AKAP13: variants seen among roughly 807,000 people sequenced by gnomAD.
AKAP13 encodes the protein A-kinase anchor protein 13.
A neutral mutation model predicts 264.5 loss-of-function variants in AKAP13; 80 were observed. The observed-to-expected ratio is 0.30, with a 90% CI of 0.25 to 0.36. AKAP13 has a LOEUF of 0.36. AKAP13 is among the 10% of genes least tolerant of loss of function. The pLI, the probability that AKAP13 is intolerant of heterozygous loss-of-function variation, is 1.00. For missense variants in AKAP13, 3,712 were observed against 3,435.2 expected, an observed-to-expected ratio of 1.08 and a Z score of -2.01; for synonymous variants, 1,380 against 1,250.2, an observed-to-expected ratio of 1.10 and a Z score of -2.19.
intron 17 of AKAP13, among the ~76,000 whole-genome samples, chr15:85,697,826 A>AAT (rs1259987884): frequency 9.2e-5 from 14 of 152,204 alleles, no homozygotes; most frequent in African/African-American, 3.4e-4. Context: ...AGAAAGTCTT[A>AAT]ATGACTTCAC....
At chr15:85,419,600 A>G (rs2072416246) in intron 1 of AKAP13, among the ~76,000 whole-genome samples, 1 of 152,128 alleles carries the variant, frequency 6.6e-6, no homozygotes, top group Non-Finnish European at 1.5e-5. Flanking sequence ...AGAATAAAAA[A>G]TTTTCCAAGT....
chr15:85,633,535 CTTTTTTT>C (rs56687591), intron 8 of AKAP13, among the ~76,000 whole-genome samples: 35 of 97,764 alleles, frequency 3.6e-4, no homozygotes, highest in Admixed American at 9.3e-4. Context: ...CTTTTTTTTT[CTTTTTTT>C]TTTTTTTTTT....
intron 8 of AKAP13, among the ~76,000 whole-genome samples, chr15:85,625,594 C>T (rs935506069): frequency 1.3e-5 from 2 of 152,180 alleles, no homozygotes; most frequent in Non-Finnish European, 2.9e-5. Context: ...CAGTGGCTCA[C>T]ATCACGCCTG....
chr15:85,631,965 C>T (rs2081852372), intron 8 of AKAP13, among the ~76,000 whole-genome samples: 1 of 151,934 alleles, frequency 6.6e-6, no homozygotes, highest in South Asian at 2.1e-4. Flanking sequence ...CAGACATATC[C>T]ACCCAATTGA....
At chr15:85,630,161 A>T (rs2151442206) in intron 8 of AKAP13, among the ~76,000 whole-genome samples, 1 of 89,468 alleles carries the variant, frequency 1.1e-5, no homozygotes, top group Admixed American at 1.4e-4. Flanking sequence ...CTGTTTTTTA[A>T]CACATACACA....
At chr15:85,506,331 A>G (rs546100336) in intron 2 of AKAP13, among the ~76,000 whole-genome samples, 20 of 152,310 alleles carry the variant, frequency 1.3e-4, no homozygotes, top group African/African-American at 4.1e-4. Flanking sequence ...GAGACCAGAA[A>G]GGAATTCGTG....
chr15:85,697,556 G>A (rs796926628), intron 17 of AKAP13, among the ~76,000 whole-genome samples: 3 of 152,228 alleles, frequency 2.0e-5, no homozygotes, highest in African/African-American at 4.8e-5. Context: ...GTGACATAGC[G>A]AGACTCCATC....
intron 30 of AKAP13, among the ~76,000 whole-genome samples, chr15:85,731,232 C>G (rs1473635845): frequency 6.6e-6 from 1 of 152,092 alleles, no homozygotes; most frequent in East Asian, 1.9e-4. Flanking sequence ...TCTCAAACTC[C>G]TGACCTCAAG....
intron 8 of AKAP13, among the ~76,000 whole-genome samples, chr15:85,588,875 A>T (rs2079468238): frequency 6.6e-6 from 1 of 152,186 alleles, no homozygotes; most frequent in Non-Finnish European, 1.5e-5. Context: ...TCTGATTGGT[A>T]AAGTTGCTAT....
intron 14 of AKAP13, among the ~76,000 whole-genome samples, chr15:85,672,063 C>T (rs1419212068): frequency 1.3e-5 from 2 of 152,200 alleles, no homozygotes; most frequent in Non-Finnish European, 2.9e-5. Context: ...GAGGTTCTGA[C>T]ACATAGAGCT....
At chr15:85,588,229 T>C (rs1182266188) in intron 8 of AKAP13, among the ~76,000 whole-genome samples, 1 of 152,208 alleles carries the variant, frequency 6.6e-6, no homozygotes, top group African/African-American at 2.4e-5. Flanking sequence ...ACAAACCTTG[T>C]TGTATTGGAG....
At chr15:85,490,737 C>T (rs888872922) in intron 2 of AKAP13, among the ~76,000 whole-genome samples, 1 of 152,168 alleles carries the variant, frequency 6.6e-6, no homozygotes, top group Admixed American at 6.6e-5. Flanking sequence ...TGTGCCAAGA[C>T]CTGTTCTGGA....
chr15:85,473,482 T>G (rs922100524), intron 1 of AKAP13, among the ~76,000 whole-genome samples: 1 of 152,206 alleles, frequency 6.6e-6, no homozygotes, highest in Non-Finnish European at 1.5e-5. Context: ...GCTGAGACCT[T>G]GGCTTTCTGA....
At chr15:85,557,123 C>G (rs2078179448) in intron 5 of AKAP13, among the ~76,000 whole-genome samples, 1 of 152,168 alleles carries the variant, frequency 6.6e-6, no homozygotes, top group Non-Finnish European at 1.5e-5. Context: ...TTTATCTTTT[C>G]TTTCTGCTCA....
At chr15:85,630,520 T>C (rs1297503907) in intron 8 of AKAP13, among the ~76,000 whole-genome samples, 1 of 152,224 alleles carries the variant, frequency 6.6e-6, no homozygotes, top group Non-Finnish European at 1.5e-5. Context: ...ACATGTAAGC[T>C]GTGAGTTCTT....
chr15:85,546,424 A>G lies in AKAP13; in HGVS notation c.662+2469A>G, dbSNP rs75405097. ...AATGGACAATGTGGTATATTCATAT[A>G]ACGGAATACTACAGCCTTAAAAAGA... On this transcript the variant is annotated intron_variant, in intron 5 of 36. Coordinates refer to ENST00000394518, the MANE Select transcript of AKAP13 (RefSeq NM_007200.5). Among the ~76,000 whole-genome samples, 777 of 152,210 alleles carry G rather than the reference A, an allele frequency of 5.1e-3. 8 individuals carry two copies. Among genetic ancestry groups the G allele is most frequent in the African/African-American group, 0.018 (738 of 41,508 alleles).
At chr15:85,716,765 G>A (rs1041722003) in intron 20 of AKAP13, among the ~76,000 whole-genome samples, 6 of 151,968 alleles carry the variant, frequency 3.9e-5, no homozygotes, top group Admixed American at 1.3e-4. Context: ...TTCAAAAGTT[G>A]TAACATTACT....
intron 2 of AKAP13, among the ~76,000 whole-genome samples, chr15:85,503,771 C>T (rs922852941): frequency 6.6e-6 from 1 of 152,218 alleles, no homozygotes; most frequent in African/African-American, 2.4e-5. Context: ...TACTCTCTCG[C>T]TCTAATCATC....
At chr15:85,671,638 ATT>A (rs11321427) in intron 14 of AKAP13, among the ~76,000 whole-genome samples, 7,265 of 148,602 alleles carry the variant, frequency 0.049, 236 homozygotes, top group Non-Finnish European at 0.062. Flanking sequence ...GCTTGTTTGG[ATT>A]TTTTTTTTTT....
Sources: gnomAD v4.1 joint callset for allele counts (sites outside exome capture counted in the v4.1 genomes callset) on GRCh38, gnomAD v4.1.1 for gene constraint, MANE v1.5 for transcripts, NCBI Gene and HGNC (gene_info 2026-07-23, HGNC 2026-07-21) for gene names.